Variants in PLEKHA5 observed in about 807,000 individuals in gnomAD.
PLEKHA5 encodes pleckstrin homology domain-containing family A member 5.
Under a neutral mutation model 181.9 loss-of-function variants are expected in PLEKHA5, and 55 were observed. The observed-to-expected ratio is 0.30, with a 90% CI of 0.24 to 0.38. The LOEUF is 0.38. Among genes scored for constraint, PLEKHA5 ranks in the 10% least tolerant of loss-of-function variants. The pLI is 1.00. For synonymous variants in PLEKHA5, 535 were observed against 529.4 expected, an observed-to-expected ratio of 1.01 and a Z score of -0.15; for missense variants, 1,432 against 1,549.5, an observed-to-expected ratio of 0.92 and a Z score of 1.27.
intron 20 of PLEKHA5, among the ~76,000 whole-genome samples, chr12:19,334,926 AT>A (rs2093280350): frequency 4.9e-5 from 1 of 20,616 alleles, no homozygotes; most frequent in Admixed American, 6.7e-4. Flanking sequence ...GATGGCACAC[AT>A]CTGTTTTCCC....
rs987885499 is a variant in PLEKHA5, at chr12:19,136,439, T to C, written c.227+3989T>C. ...TGGCTTTAAATATTCCGTATTCTTA[T>C]GAGAACGCAAATAACTTAGCCCATA... On this transcript the variant is annotated intron_variant, in intron 3 of 31. Transcript: ENST00000429027. 5.9e-5 allele frequency among the ~76,000 whole-genome samples: 9 copies of C among 152,234 alleles called. 1 individual carries two copies. Among genetic ancestry groups the C allele is most frequent in the Non-Finnish European group, 1.3e-4 (9 of 68,046 alleles).
At chr12:19,307,473 C>CA (rs1057070841) in intron 15 of PLEKHA5, 187 of 263,420 alleles carry the variant, frequency 7.1e-4, no homozygotes, top group South Asian at 1.2e-3. Context: ...ACTCTTGGCT[C>CA]AAAAAAAAAT....
intron 3 of PLEKHA5, among the ~76,000 whole-genome samples, chr12:19,142,184 A>AC (rs1192094805): frequency 4.7e-5 from 7 of 150,456 alleles, no homozygotes; most frequent in Admixed American, 4.0e-4. Flanking sequence ...ACATAGTGTG[A>AC]CCCCCAATCT....
chr12:19,304,727 C>A (rs2082635926), intron 15 of PLEKHA5, among the ~76,000 whole-genome samples: 1 of 151,386 alleles, frequency 6.6e-6, no homozygotes, highest in Admixed American at 6.6e-5. Context: ...TTTTAAATCT[C>A]CACAGGTAGT....
chr12:19,257,245 T>G (rs1392361999), intron 5 of PLEKHA5, among the ~76,000 whole-genome samples, 188 bp from the exon 6 acceptor site: 1 of 152,134 alleles, frequency 6.6e-6, no homozygotes, highest in Non-Finnish European at 1.5e-5. Context: ...GGAAAAATTT[T>G]TGGTGCGGAA....
intron 3 of PLEKHA5, among the ~76,000 whole-genome samples, chr12:19,155,453 T>C (rs577687968): frequency 6.6e-6 from 1 of 152,304 alleles, no homozygotes; most frequent in African/African-American, 2.4e-5. Context: ...TATGTGTGCA[T>C]TTTGCTTAGT....
intron 7 of PLEKHA5, among the ~76,000 whole-genome samples, chr12:19,263,940 C>G (rs938288371): frequency 6.6e-6 from 1 of 152,084 alleles, no homozygotes; most frequent in African/African-American, 2.4e-5. Flanking sequence ...ATGAGTCTCT[C>G]TAGGTAATAG....
At chr12:19,166,234 A>G (rs1032154677) in intron 3 of PLEKHA5, among the ~76,000 whole-genome samples, 1 of 152,196 alleles carries the variant, frequency 6.6e-6, no homozygotes, top group Non-Finnish European at 1.5e-5. Flanking sequence ...GCAGGGTTGA[A>G]GAAAGTTCAA....
At chr12:19,139,805 A>G (rs1463947389) in intron 3 of PLEKHA5, among the ~76,000 whole-genome samples, 1 of 152,186 alleles carries the variant, frequency 6.6e-6, no homozygotes, top group Admixed American at 6.5e-5. Flanking sequence ...AGCAGTGTAA[A>G]GTCACTGGAA....
chr12:19,135,347 G>A (rs2035302173), intron 3 of PLEKHA5, among the ~76,000 whole-genome samples: 1 of 152,078 alleles, frequency 6.6e-6, no homozygotes, highest in Admixed American at 6.6e-5. Flanking sequence ...AATGACTTTG[G>A]AGCTCAGTCT....
intron 3 of PLEKHA5, among the ~76,000 whole-genome samples, chr12:19,203,620 A>G (rs2054692016): frequency 6.6e-6 from 1 of 151,998 alleles, no homozygotes; most frequent in Admixed American, 6.6e-5. Flanking sequence ...CTTCCTTCAA[A>G]TGCTTTCTCT....
intron 3 of PLEKHA5, among the ~76,000 whole-genome samples, chr12:19,142,645 A>G (rs1362594860): frequency 6.6e-6 from 1 of 152,184 alleles, no homozygotes; most frequent in Non-Finnish European, 1.5e-5. Context: ...GATGTACGTA[A>G]TGAAATCGTT....
At chr12:19,227,925 CTT>C (rs2059919174) in intron 3 of PLEKHA5, among the ~76,000 whole-genome samples, 2 of 152,236 alleles carry the variant, frequency 1.3e-5, no homozygotes, top group South Asian at 2.1e-4. Context: ...GTGATGTGAA[CTT>C]AAGTTCATAT....
chr12:19,244,552 G>T (rs759411805), intron 3 of PLEKHA5, among the ~76,000 whole-genome samples: 1 of 152,208 alleles, frequency 6.6e-6, no homozygotes, highest in African/African-American at 2.4e-5. Flanking sequence ...AGTGGCAGAA[G>T]AATTGCCAAA....
intron 5 of PLEKHA5, among the ~76,000 whole-genome samples, chr12:19,255,571 G>A (rs1186436955): frequency 6.6e-6 from 1 of 151,618 alleles, no homozygotes; most frequent in Non-Finnish European, 1.5e-5. Flanking sequence ...TATAATAATA[G>A]TATTTTAAAT....
chr12:19,325,444 C>G (rs2091872803), intron 20 of PLEKHA5, among the ~76,000 whole-genome samples: 1 of 151,662 alleles, frequency 6.6e-6, no homozygotes, highest in South Asian at 2.1e-4. Context: ...AATCCCAGCA[C>G]TTTGGGAGGC....
At chr12:19,276,103 T>C (rs190809328) in intron 11 of PLEKHA5, among the ~76,000 whole-genome samples, 166 of 152,220 alleles carry the variant, frequency 1.1e-3, no homozygotes, top group Middle Eastern at 6.8e-3. Flanking sequence ...ATAACATGCA[T>C]ATTATGGCTT....
chr12:19,354,166 T>TTTC (rs2094777330), intron 26 of PLEKHA5, among the ~76,000 whole-genome samples, 164 bp downstream of exon 26: 1 of 135,844 alleles, frequency 7.4e-6, no homozygotes, highest in Non-Finnish European at 1.6e-5. Context: ...TTTTTTTTTT[T>TTTC]TTTGAGACGG....
chr12:19,179,711 G>C (rs10841172), intron 3 of PLEKHA5, among the ~76,000 whole-genome samples: 79,061 of 152,014 alleles, frequency 0.52, 25,920 homozygotes, highest in Non-Finnish European at 0.73. Flanking sequence ...TAAATGTTTA[G>C]AGCGTAAATT....
Sources: allele counts gnomAD v4.1 joint callset (sites outside exome capture counted in the v4.1 genomes callset), GRCh38; gene constraint gnomAD v4.1.1; transcripts MANE v1.5; gene names NCBI Gene and HGNC (gene_info 2026-07-23, HGNC 2026-07-21).